The following TMTC2 variants were observed in gnomAD, a reference collection of about 807,000 sequenced individuals.
TMTC2 encodes the protein protein O-mannosyl-transferase TMTC2.
Under a neutral mutation model 82.4 loss-of-function variants are expected in TMTC2, and 43 were observed. That is an observed-to-expected ratio of 0.52 (90% CI 0.41 to 0.67). TMTC2 has a LOEUF of 0.67. Among genes scored for constraint, TMTC2 ranks in the 30% least tolerant of loss-of-function variants. The pLI is 0.00. For missense variants in TMTC2, 919 were observed against 1,012.4 expected (o/e 0.91, Z 1.25); for synonymous variants, 408 against 381.9 (o/e 1.07, Z -0.80).
chr12:82,880,673 A>G (rs1796183), intron 2 of TMTC2, among the ~76,000 whole-genome samples: 22,214 of 152,148 alleles, frequency 0.15, 4,958 homozygotes, highest in African/African-American at 0.48. Context: ...GAGCCAGTCA[A>G]AAAATGATCG....
intron 1 of TMTC2, among the ~76,000 whole-genome samples, chr12:82,775,991 G>A (rs2137001875): frequency 6.6e-6 from 1 of 152,032 alleles, no homozygotes; most frequent in African/African-American, 2.4e-5. Context: ...TCTCAAAGTT[G>A]TACATGCATG....
intron 9 of TMTC2, among the ~76,000 whole-genome samples, chr12:83,038,137 T>G (rs1592709863): frequency 2.9e-5 from 2 of 69,230 alleles, no homozygotes; most frequent in African/African-American, 6.1e-5. Flanking sequence ...GGACCTGCTG[T>G]GGGGTGGGGG....
intron 1 of TMTC2, among the ~76,000 whole-genome samples, chr12:82,753,931 T>C (rs12367348): frequency 0.16 from 24,449 of 152,190 alleles, 2,170 homozygotes; most frequent in Middle Eastern, 0.37. Flanking sequence ...GAGTGGATTC[T>C]CTAGGGAGTC....
intron 1 of TMTC2, among the ~76,000 whole-genome samples, chr12:82,702,487 C>T (rs1318102426): frequency 2.0e-5 from 3 of 152,154 alleles, no homozygotes; most frequent in Non-Finnish European, 2.9e-5. Flanking sequence ...TAAAAAAAAT[C>T]GGTCATACTA....
chr12:82,987,391 T>C (rs1482233680), intron 8 of TMTC2, among the ~76,000 whole-genome samples: 1 of 71,716 alleles, frequency 1.4e-5, no homozygotes, highest in Non-Finnish European at 2.4e-5. Flanking sequence ...GCTACTACAC[T>C]CCAGCCTGGG....
intron 8 of TMTC2, among the ~76,000 whole-genome samples, chr12:83,018,930 C>G (rs763886155): frequency 6.6e-6 from 1 of 152,106 alleles, no homozygotes; most frequent in Non-Finnish European, 1.5e-5. Flanking sequence ...TTAAACAATT[C>G]TACTAAATTG....
At chr12:83,002,931 T>C (rs1223460199) in intron 8 of TMTC2, among the ~76,000 whole-genome samples, 1 of 152,064 alleles carries the variant, frequency 6.6e-6, no homozygotes, top group Non-Finnish European at 1.5e-5. Context: ...GTTATTGAAG[T>C]GTCAAGTTTA....
intron 1 of TMTC2, among the ~76,000 whole-genome samples, chr12:82,777,494 G>A (rs1403263965): frequency 6.6e-6 from 1 of 151,948 alleles, no homozygotes; most frequent in South Asian, 2.1e-4. Context: ...TCTTTTTCAG[G>A]GTATTTTTTG....
intron 1 of TMTC2, among the ~76,000 whole-genome samples, chr12:82,733,110 A>G (rs1479580944): frequency 1.3e-5 from 2 of 152,094 alleles, no homozygotes; most frequent in Non-Finnish European, 2.9e-5. Context: ...TCCTTTCTCC[A>G]TTATGCATAC....
At chr12:82,779,299 A>G (rs1877775595) in intron 1 of TMTC2, among the ~76,000 whole-genome samples, 1 of 151,996 alleles carries the variant, frequency 6.6e-6, no homozygotes, top group Non-Finnish European at 1.5e-5. Flanking sequence ...GATGGAGAGA[A>G]CTGAAGGATT....
chr12:83,132,359 A>G lies in TMTC2; in HGVS notation c.2481A>G (p.Glu827=), dbSNP rs1565899741. 2 of 1,614,092 alleles carry G rather than the reference A, an allele frequency of 1.2e-6. No individual in the cohort carries two copies. The highest frequency in any genetic ancestry group is 1.3e-5 in the African/African-American group (1 of 75,042). The part of the protein sequence containing the change: ...SNLRKLWNIM[E]KQGLKTSKT ...TCCGCAAACTGTGGAACATCATGGA[A>G]AAACAAGGCTTAAAGACTTCTAAGA... The change falls in exon 12 of 12, where the codon GAA becomes GAG. Residue 827 remains glutamate (E), a synonymous_variant. Transcript: ENST00000321196.
intron 1 of TMTC2, among the ~76,000 whole-genome samples, chr12:82,710,232 A>T (rs529735305): frequency 1.3e-5 from 2 of 152,312 alleles, no homozygotes; most frequent in South Asian, 4.1e-4. Flanking sequence ...ATTGAGACAC[A>T]GTTCCTCTCT....
intron 1 of TMTC2, among the ~76,000 whole-genome samples, chr12:82,753,321 A>G (rs1359495815): frequency 3.4e-5 from 5 of 147,402 alleles, no homozygotes; most frequent in African/African-American, 1.3e-4. Context: ...CTGAAAACAT[A>G]ATGGCTTTTT....
intron 1 of TMTC2, among the ~76,000 whole-genome samples, chr12:82,755,677 A>G (rs4261350): frequency 0.94 from 143,306 of 152,168 alleles, 68,071 homozygotes; most frequent in East Asian, 1. Flanking sequence ...CAGTTAGGCA[A>G]GCCAGTGAAC....
At chr12:82,730,090 C>G (rs2136938557) in intron 1 of TMTC2, among the ~76,000 whole-genome samples, 1 of 152,230 alleles carries the variant, frequency 6.6e-6, no homozygotes, top group South Asian at 2.1e-4. Context: ...AACTGTAACA[C>G]TCACTGCGAG....
At chr12:83,093,655 A>G (rs1029863574) in intron 11 of TMTC2, among the ~76,000 whole-genome samples, 15 of 152,326 alleles carry the variant, frequency 9.8e-5, no homozygotes, top group African/African-American at 2.6e-4. Context: ...TCTCTTGAAC[A>G]GCACAGGAAG....
intron 1 of TMTC2, among the ~76,000 whole-genome samples, chr12:82,705,526 A>G (rs1488249422): frequency 1.3e-5 from 2 of 152,234 alleles, no homozygotes; most frequent in African/African-American, 4.8e-5. Context: ...ATTTTAGGTA[A>G]TCTGATTTCT....
At chr12:83,108,481 T>C (rs910198852) in intron 11 of TMTC2, among the ~76,000 whole-genome samples, 3 of 151,858 alleles carry the variant, frequency 2.0e-5, no homozygotes, top group African/African-American at 4.8e-5. Flanking sequence ...AATACAAAAA[T>C]TAGTTGGGCG....
intron 2 of TMTC2, among the ~76,000 whole-genome samples, chr12:82,868,716 A>G (rs1396423449): frequency 7.4e-6 from 1 of 135,526 alleles, no homozygotes; most frequent in Admixed American, 7.3e-5. Context: ...TTTTTTTTTG[A>G]AAAAAAAAGG....
Sources: allele counts gnomAD v4.1 joint callset (sites outside exome capture counted in the v4.1 genomes callset), GRCh38; gene constraint gnomAD v4.1.1; transcripts MANE v1.5; gene names NCBI Gene and HGNC (gene_info 2026-07-23, HGNC 2026-07-21).